The following STK38L variants were observed in gnomAD, a reference collection of about 807,000 sequenced individuals.
The protein encoded by STK38L is serine/threonine-protein kinase 38-like.
A neutral mutation model predicts 59.7 loss-of-function variants in STK38L; 28 were observed. The observed-to-expected ratio is 0.47, with a 90% CI of 0.35 to 0.64. The LOEUF (loss-of-function observed/expected upper bound fraction) is 0.64, where lower values mean the gene tolerates loss of function less well. Ranked by LOEUF, STK38L falls within the 30% of genes least tolerant of loss-of-function variation. STK38L has a pLI of 0.01. For synonymous variants in STK38L, 162 were observed against 176.8 expected (o/e 0.92, Z 0.66); for missense variants, 314 against 555.8 (o/e 0.56, Z 4.37).
chr12:27,263,697 T>G (rs1016500688), intron 1 of STK38L, among the ~76,000 whole-genome samples: 3 of 152,210 alleles, frequency 2.0e-5, no homozygotes, highest in African/African-American at 7.2e-5. Context: ...ACTGGATCAG[T>G]CAACAAGATT....
intron 1 of STK38L, among the ~76,000 whole-genome samples, chr12:27,248,025 G>C (rs998217410): frequency 6.6e-6 from 1 of 152,100 alleles, no homozygotes; most frequent in Non-Finnish European, 1.5e-5. Flanking sequence ...ATGTTGCCCA[G>C]CCTGGTCTCG....
chr12:27,261,706 AACT>A (rs1430226408), intron 1 of STK38L, among the ~76,000 whole-genome samples: 8 of 152,200 alleles, frequency 5.3e-5, no homozygotes, highest in African/African-American at 1.9e-4. Flanking sequence ...TCACCATTTT[AACT>A]GTGTGACCTG....
chr12:27,256,995 A>G (rs1258034205), intron 1 of STK38L, among the ~76,000 whole-genome samples: 2 of 152,242 alleles, frequency 1.3e-5, no homozygotes, highest in East Asian at 3.8e-4. Context: ...GTCATATTTA[A>G]GGTATATACC....
At position 27,317,371 on chromosome 12, in the gene STK38L, T is replaced by A. The variant is rs1944611275; in HGVS notation, c.873T>A (p.Ala291=). 1 of 1,613,320 alleles carries A rather than the reference T, an allele frequency of 6.2e-7. No homozygotes were observed. Among genetic ancestry groups the A allele is most frequent in the African/African-American group, 1.3e-5 (1 of 75,030 alleles). ...YSTVGTPDYI[A]PEVFMQTGYN... is the part of the protein sequence containing the mutation. ...CAGTTGGGACACCAGATTACATTGC[T>A]CCAGAAGTATTCATGCAGACTGGTT... Residue 291 remains alanine, a synonymous_variant, in exon 10 of 14, where the codon GCT becomes GCA. Transcript: ENST00000389032.
At chr12:27,278,654 A>G (rs1943588117) in intron 1 of STK38L, among the ~76,000 whole-genome samples, 1 of 152,168 alleles carries the variant, frequency 6.6e-6, no homozygotes, top group African/African-American at 2.4e-5. Context: ...TGCAAATACT[A>G]TCTACTAGGT....
intron 7 of STK38L, 36 bp from the exon 8 acceptor site, chr12:27,314,979 G>C: frequency 6.6e-7 from 1 of 1,507,468 alleles, no homozygotes; most frequent in Non-Finnish European, 9.0e-7. Context: ...TGTTTTCAAA[G>C]TTAATATGAT....
At chr12:27,251,269 AT>A (rs1230794267) in intron 1 of STK38L, among the ~76,000 whole-genome samples, 1 of 152,120 alleles carries the variant, frequency 6.6e-6, no homozygotes, top group Non-Finnish European at 1.5e-5. Flanking sequence ...ATAGACAGGG[AT>A]TTACTCTTAG....
At chr12:27,274,790 T>C (rs968985009) in intron 1 of STK38L, among the ~76,000 whole-genome samples, 37 of 152,364 alleles carry the variant, frequency 2.4e-4, no homozygotes, top group African/African-American at 8.9e-4. Context: ...ACCTTTATTG[T>C]ACATTAATGA....
chr12:27,254,900 A>T (rs1943058623), intron 1 of STK38L, among the ~76,000 whole-genome samples: 1 of 152,184 alleles, frequency 6.6e-6, no homozygotes, highest in Non-Finnish European at 1.5e-5. Flanking sequence ...TTTAAGGATT[A>T]AGTTGAACTC....
chr12:27,265,725 G>T (rs1269432361), intron 1 of STK38L, among the ~76,000 whole-genome samples: 4 of 152,184 alleles, frequency 2.6e-5, no homozygotes, highest in Non-Finnish European at 4.4e-5. Context: ...TGTAATGAAA[G>T]TATTGGCCAT....
chr12:27,299,532 C>T (rs529385398), intron 2 of STK38L, among the ~76,000 whole-genome samples: 2 of 152,106 alleles, frequency 1.3e-5, no homozygotes, highest in Admixed American at 6.5e-5. Context: ...TAAATCTCAA[C>T]AAAAATTATA....
chr12:27,273,928 A>T (rs1943476907), intron 1 of STK38L, among the ~76,000 whole-genome samples: 1 of 152,186 alleles, frequency 6.6e-6, no homozygotes, highest in African/African-American at 2.4e-5. Flanking sequence ...CTGAGGACTG[A>T]CTGATTGCTT....
chr12:27,289,325 A>G (rs1943846181), intron 1 of STK38L, among the ~76,000 whole-genome samples: 1 of 150,086 alleles, frequency 6.7e-6, no homozygotes, highest in Non-Finnish European at 1.5e-5. Flanking sequence ...CATTTGGTTT[A>G]TAAACACTTT....
At chr12:27,278,989 T>G (rs10771330) in intron 1 of STK38L, among the ~76,000 whole-genome samples, 119,565 of 152,160 alleles carry the variant, frequency 0.79, 47,149 homozygotes, top group Non-Finnish European at 0.83. Flanking sequence ...GGAAAAAGAG[T>G]AGGGGCCTGC....
chr12:27,321,998 C>A, intron 12 of STK38L, 145 bp from the exon 13 acceptor site: 1 of 623,934 alleles, frequency 1.6e-6, no homozygotes, highest in Non-Finnish European at 2.7e-6. Flanking sequence ...TTTTGAACTC[C>A]CTTTAACTAA....
Position 27,287,162 on chromosome 12 carries a change from C to T in STK38L, c.-11-10548C>T, listed in dbSNP as rs1333850203. 1.2e-4 allele frequency among the ~76,000 whole-genome samples: 17 copies of T among 147,804 alleles called. 1 individual carries two copies. The highest frequency in any genetic ancestry group is 9.5e-4 in the Admixed American group (14 of 14,700). Reference sequence around the variant, plus strand: ...TCGCCCAGGCTGGAGTGCAATGGTGCGTGTGACATCTTGGCTCACTGCAAC... The same window carrying T: ...TCGCCCAGGCTGGAGTGCAATGGTGTGTGTGACATCTTGGCTCACTGCAAC... On this transcript the variant is annotated intron_variant, in intron 1 of 13. Coordinates refer to ENST00000389032, the MANE Select transcript of STK38L (RefSeq NM_015000.4).
At chr12:27,310,546 G>A (rs12299617) in intron 5 of STK38L, among the ~76,000 whole-genome samples, 47,069 of 151,766 alleles carry the variant, frequency 0.31, 8,292 homozygotes, top group African/African-American at 0.49. Context: ...AGCAAATAAG[G>A]CTTGGTGCAA....
Position 27,319,291 on chromosome 12 carries a change from A to C in STK38L, c.1080-37A>C. The C allele has an allele frequency of 2.9e-6, 4 of 1,378,480 alleles. 1 individual carries two copies. The South Asian group carries it at 4.8e-5, about 16-fold the overall frequency. 85.4% of individuals were successfully genotyped at this position (1,378,480 alleles called of 1,614,324 possible). On this transcript the variant is annotated intron_variant, in intron 11 of 13. Transcript: ENST00000389032. ...ATGCAGCTAGAATACTTTAGATGTA[A>C]CTTGTGTATGATAATTTCTCTGTTT... is the stretch of plus-strand genomic sequence containing the variant.
Position 27,323,519 on chromosome 12 carries a change from C to T in STK38L, c.*1064C>T, listed in dbSNP as rs1471349875. On this transcript the variant is annotated 3_prime_UTR_variant, in exon 14 of 14. Transcript: ENST00000389032. ...TTTGATAGTACTTGTATTATTGTGC[C>T]ATTATTTTCTTATGCTCCAAATGTA... The T allele has an allele frequency of 6.6e-6, 1 of 152,318 alleles. No individual in the cohort carries two copies. The highest frequency in any genetic ancestry group is 1.5e-5 in the Non-Finnish European group (1 of 67,930). The allele number at this position is 152,318 out of a possible 1,614,324, so 9.4% of individuals were successfully genotyped here.
Sources: allele counts gnomAD v4.1 joint callset (sites outside exome capture counted in the v4.1 genomes callset), GRCh38; gene constraint gnomAD v4.1.1; transcripts MANE v1.5; gene names NCBI Gene and HGNC (gene_info 2026-07-23, HGNC 2026-07-21).